OXNAD1: variants seen among roughly 807,000 people sequenced by gnomAD.
OXNAD1 encodes the protein oxidoreductase NAD-binding domain-containing protein 1.
OXNAD1 carries 34 observed loss-of-function variants against 32.9 expected under a neutral mutation model. The observed-to-expected ratio is 1.03, with a 90% CI of 0.79 to 1.38. The LOEUF is 1.38. OXNAD1 is among the 40% of genes most tolerant of loss of function. The probability of loss-of-function intolerance (pLI) is 0.00; values close to 1 mark genes in which losing one functional copy is unlikely to be tolerated. For missense variants in OXNAD1, 407 were observed against 379.4 expected (o/e 1.07, Z -0.60); for synonymous variants, 134 against 135.2 (o/e 0.99, Z 0.06).
chr3:16,336,731 A>G lies in OXNAD1; in HGVS notation c.*31-381A>G, dbSNP rs974154742. Among the ~76,000 whole-genome samples, 1 of 152,134 alleles carries G rather than the reference A, an allele frequency of 6.6e-6. No individual in the cohort carries two copies. The highest frequency in any genetic ancestry group is 2.4e-5 in the African/African-American group (1 of 41,416). On this transcript the variant is annotated intron_variant, in intron 9 of 9. Coordinates refer to the OXNAD1 transcript ENST00000435829. The surrounding 1 kb of genome is among the most constrained non-coding windows in gnomAD (Gnocchi z 6.0). ...GGTCAGAGGAAAATACATGTAGTGC[A>G]TAAAAAGCTTCAGTTCTGAGACTCT...
Position 16,280,964 on chromosome 3 carries a change from C to T in OXNAD1, c.184-5378C>T, listed in dbSNP as rs1364708476. Among the ~76,000 whole-genome samples, 1 of 152,150 alleles carries T rather than the reference C, an allele frequency of 6.6e-6. No individual in the cohort carries two copies. ...CTTAGGACATGGATAGTTGAGGTTTCAGTTGTGAATCTTTCGATCCATTAA... is the reference window on the plus strand; with the variant it reads ...CTTAGGACATGGATAGTTGAGGTTTTAGTTGTGAATCTTTCGATCCATTAA... On this transcript the variant is annotated intron_variant, in intron 4 of 8. Transcript: ENST00000285083. The surrounding 1 kb of genome is among the most constrained non-coding windows in gnomAD (Gnocchi z 4.5).
At position 16,312,942 on chromosome 3, in the gene OXNAD1, C is replaced by T. The variant is rs1371500440; in HGVS notation, c.*30+9350C>T. 1.3e-5 allele frequency among the ~76,000 whole-genome samples: 2 copies of T among 152,066 alleles called. No homozygotes were observed. Among genetic ancestry groups the T allele is most frequent in the Non-Finnish European group, 2.9e-5 (2 of 68,018 alleles). On this transcript the variant is annotated intron_variant, in intron 9 of 9. Transcript: ENST00000435829. This position sits in a 1 kb window ranked among gnomAD's most constrained non-coding sequence, Gnocchi z 4.7. ...ATTTAAGACTTTATAAATATTATTA[C>T]AGTATTTCTGTTAAGATGGGATATA...
rs1417555925 is a variant in OXNAD1, at chr3:16,329,320, GA to G, written c.*31-7791del. Among the ~76,000 whole-genome samples the G allele has an allele frequency of 2.0e-5, 3 of 151,488 alleles. No individual in the cohort carries two copies. The highest frequency in any genetic ancestry group is 4.4e-5 in the Non-Finnish European group (3 of 67,812). ...GTATCCTGTTACAACAGCACAAGTG[GA>G]CCGAGACAGGGCGGAAGTGGAGAAA... On this transcript the variant is annotated intron_variant, in intron 9 of 9. Transcript: ENST00000435829. The surrounding 1 kb of genome is among the most constrained non-coding windows in gnomAD (Gnocchi z 4.5).
rs887706084 is a variant in OXNAD1 at position 16,303,653 on chromosome 3, C to A, written c.*91C>A. On this transcript the variant is annotated 3_prime_UTR_variant, in exon 9 of 9. Transcript: ENST00000285083. This position sits in a 1 kb window ranked among gnomAD's most constrained non-coding sequence, Gnocchi z 4.8. Reference sequence around the variant, plus strand: ...GCATGATTAATTTTTTTTATCTCTACTTGAGTTGTCTTATTTTTTAAGGCT... The same window carrying A: ...GCATGATTAATTTTTTTTATCTCTAATTGAGTTGTCTTATTTTTTAAGGCT... The A allele has an allele frequency of 1.5e-6, 2 of 1,325,758 alleles. No homozygotes were observed. Among genetic ancestry groups the A allele is most frequent in the Admixed American group, 2.9e-5 (1 of 34,700 alleles). 82.1% of individuals were successfully genotyped at this position (1,325,758 alleles called of 1,614,324 possible). A position where few individuals can be genotyped will look rare whatever the true frequency, so the allele number is the denominator to read the frequency against.
chr3:16,305,398 T>G lies in OXNAD1; in HGVS notation c.*1836T>G, dbSNP rs2067482163. ...GCAAGGGTCATCTGTCCTGCCCAGC[T>G]ATGCCTGCCACCCTGTTGCTGACTC... On this transcript the variant is annotated 3_prime_UTR_variant, in exon 9 of 9. Transcript: ENST00000285083. This position sits in a 1 kb window ranked among gnomAD's most constrained non-coding sequence, Gnocchi z 4.5. 6.6e-6 allele frequency: 1 copy of G among 152,260 alleles called. No individual in the cohort carries two copies. The allele number at this position is 152,260 out of a possible 1,614,324, so 9.4% of individuals were successfully genotyped here.
chr3:16,296,026 G>A (rs1324267041), intron 6 of OXNAD1, among the ~76,000 whole-genome samples: 3 of 152,086 alleles, frequency 2.0e-5, no homozygotes, highest in African/African-American at 7.2e-5. Context: ...GAGGGAGTGG[G>A]GTGGGACTTA....
Position 16,320,073 on chromosome 3 carries a change from T to C in OXNAD1, c.*30+16481T>C, listed in dbSNP as rs1001098125. Among the ~76,000 whole-genome samples, 4 of 152,198 alleles carry C rather than the reference T, an allele frequency of 2.6e-5. No homozygotes were observed. The highest frequency in any genetic ancestry group is 9.7e-5 in the African/African-American group (4 of 41,448). ...CTGTCTAAAAGAAAAAAAGAAATCC[T>C]TCACTTTACAGCAGTGTGTGTCCAG... On this transcript the variant is annotated intron_variant, in intron 9 of 9. Transcript: ENST00000435829. This position sits in a 1 kb window ranked among gnomAD's most constrained non-coding sequence, Gnocchi z 4.5.
chr3:16,341,814 GCATA>G (rs1007288100), downstream of OXNAD1, among the ~76,000 whole-genome samples: 11 of 152,118 alleles, frequency 7.2e-5, no homozygotes, highest in Non-Finnish European at 1.5e-4. The surrounding 1 kb of genome is among the most constrained non-coding windows in gnomAD (Gnocchi z 4.7). Context: ...AACATTTTCA[GCATA>G]CAGTTACATA....
rs1574941518 is a variant in OXNAD1, at chr3:16,321,677, A to G, written c.*31-15435A>G. Among the ~76,000 whole-genome samples the G allele has an allele frequency of 3.3e-5, 5 of 152,306 alleles. No homozygotes were observed. In the East Asian group the frequency reaches 9.6e-4, roughly 29 times the overall value. ...CCACACCAGTCACCTACAGTCTTGG[A>G]ATGAGGCAGGAAATAATTAGGTACA... On this transcript the variant is annotated intron_variant, in intron 9 of 9. Coordinates refer to the OXNAD1 transcript ENST00000435829. The surrounding 1 kb of genome is among the most constrained non-coding windows in gnomAD (Gnocchi z 4.8).
Position 16,299,334 on chromosome 3 carries a change from A to AT in OXNAD1, c.433-2288dup, listed in dbSNP as rs1418602182. Among the ~76,000 whole-genome samples, 1 of 152,206 alleles carries AT rather than the reference A, an allele frequency of 6.6e-6. No homozygotes were observed. Among genetic ancestry groups the AT allele is most frequent in the African/African-American group, 2.4e-5 (1 of 41,454 alleles). On this transcript the variant is annotated intron_variant, in intron 6 of 8. Coordinates refer to ENST00000285083, the MANE Select transcript of OXNAD1 (RefSeq NM_138381.5). The surrounding 1 kb of genome is among the most constrained non-coding windows in gnomAD (Gnocchi z 4.4). ...TTTTTGAGACTTGAAAGGAAAGAAT[A>AT]TTTTAAAGCACTTTGGTAGCCACTG...
rs2067514445 is a variant in OXNAD1 at position 16,305,842 on chromosome 3, A to T, written c.*2280A>T. The T allele has an allele frequency of 6.6e-6, 1 of 152,214 alleles. No homozygotes were observed. Among genetic ancestry groups the T allele is most frequent in the Non-Finnish European group, 1.5e-5 (1 of 68,034 alleles). The allele number at this position is 152,214 out of a possible 1,614,324, so 9.4% of individuals were successfully genotyped here. A position where few individuals can be genotyped will look rare whatever the true frequency, so the allele number is the denominator to read the frequency against. ...AGGGCTGTTACGGGGATTGAAGGTG[A>T]TCATACATGTAAAGTGCTTGGCAGA... On this transcript the variant is annotated 3_prime_UTR_variant, in exon 9 of 9. Transcript: ENST00000285083. This position sits in a 1 kb window ranked among gnomAD's most constrained non-coding sequence, Gnocchi z 4.5.
chr3:16,266,086 G>T (rs1361816266), intron 1 of OXNAD1, among the ~76,000 whole-genome samples: 1 of 152,170 alleles, frequency 6.6e-6, no homozygotes, highest in Non-Finnish European at 1.5e-5. Flanking sequence ...AAGCACTTTC[G>T]AGAGAAGATC....
rs1396586424 is a variant in OXNAD1 at position 16,288,937 on chromosome 3, C to G, written c.290+2489C>G. Among the ~76,000 whole-genome samples, 1 of 152,148 alleles carries G rather than the reference C, an allele frequency of 6.6e-6. No homozygotes were observed. Among genetic ancestry groups the G allele is most frequent in the African/African-American group, 2.4e-5 (1 of 41,432 alleles). Reference sequence around the variant, plus strand: ...CTGCCTGCCTCTGGCATTGGTTATGCTACTGTGGGTAGCAGTGTATTGTCG... The same window carrying G: ...CTGCCTGCCTCTGGCATTGGTTATGGTACTGTGGGTAGCAGTGTATTGTCG... On this transcript the variant is annotated intron_variant, in intron 5 of 8. Coordinates refer to ENST00000285083, the MANE Select transcript of OXNAD1 (RefSeq NM_138381.5). This position sits in a 1 kb window ranked among gnomAD's most constrained non-coding sequence, Gnocchi z 5.1.
At chr3:16,274,168 A>T (rs1396970890) in intron 4 of OXNAD1, among the ~76,000 whole-genome samples, 126 of 26,032 alleles carry the variant, frequency 4.8e-3, no homozygotes, top group African/African-American at 0.03. Context: ...TACTATCACT[A>T]AAAAAAAAAA....
At chr3:16,324,620 C>CCCCA (rs971398885) in intron 9 of OXNAD1, among the ~76,000 whole-genome samples, 2 of 142,888 alleles carry the variant, frequency 1.4e-5, no homozygotes, top group African/African-American at 5.2e-5. Flanking sequence ...CTGACCCCCC[C>CCCCA]CCTTTTAAGG....
At position 16,334,628 on chromosome 3, in the gene OXNAD1, T is replaced by C. The variant is rs2070673101; in HGVS notation, c.*31-2484T>C. Among the ~76,000 whole-genome samples the C allele has an allele frequency of 6.6e-6, 1 of 152,132 alleles. No homozygotes were observed. The highest frequency in any genetic ancestry group is 1.5e-5 in the Non-Finnish European group (1 of 68,024). ...GATGAAGAGGGACAATGAGAGGGAA[T>C]GAATTCTATTCTAGACACCCTGAGT... On this transcript the variant is annotated intron_variant, in intron 9 of 9. Coordinates refer to the OXNAD1 transcript ENST00000435829. The surrounding 1 kb of genome is among the most constrained non-coding windows in gnomAD (Gnocchi z 4.3).
Position 16,306,013 on chromosome 3 carries a change from A to T in OXNAD1, c.*2451A>T, listed in dbSNP as rs558195764. On this transcript the variant is annotated 3_prime_UTR_variant, in exon 9 of 9. Transcript: ENST00000285083. ...TGTCTTGTTTATTGCTGTGCCAGGC[A>T]CAAAATAGGTATTTCATAAATATTT... is the stretch of plus-strand genomic sequence containing the variant. 3 of 152,194 alleles carry T rather than the reference A, an allele frequency of 2.0e-5. No homozygotes were observed. Among genetic ancestry groups the T allele is most frequent in the Non-Finnish European group, 4.4e-5 (3 of 68,028 alleles). 9.4% of individuals were successfully genotyped at this position (152,194 alleles called of 1,614,324 possible). A position where few individuals can be genotyped will look rare whatever the true frequency, so the allele number is the denominator to read the frequency against.
At chr3:16,340,301 A>C (rs1276863310), downstream of OXNAD1, among the ~76,000 whole-genome samples, 1 of 152,266 alleles carries the variant, frequency 6.6e-6, no homozygotes, top group African/African-American at 2.4e-5. Context: ...GGGCTTGCCC[A>C]CTTGCTGCTT....
At chr3:16,267,413 A>G (rs970002151) in intron 1 of OXNAD1, among the ~76,000 whole-genome samples, 12 of 151,966 alleles carry the variant, frequency 7.9e-5, no homozygotes, top group Non-Finnish European at 1.6e-4. Flanking sequence ...TAAAATTCTT[A>G]CCCTTACTAT....
Sources: gnomAD v4.1 joint callset for allele counts (sites outside exome capture counted in the v4.1 genomes callset) on GRCh38, gnomAD v4.1.1 for gene constraint, Gnocchi (gnomAD v3.1) non-coding constraint, MANE v1.5 for transcripts, NCBI Gene and HGNC (gene_info 2026-07-23, HGNC 2026-07-21) for gene names.